The following C1S variants were observed in gnomAD, a reference collection of about 807,000 sequenced individuals.
The protein encoded by C1S is complement C1s, also known as complement C1s subcomponent.
C1S carries 31 observed loss-of-function variants against 54.0 expected under a neutral mutation model. The ratio of observed to expected loss-of-function variants is 0.57; its 90% CI spans 0.43 to 0.78. The LOEUF is 0.78. Ranked by LOEUF, C1S falls within the 30% of genes least tolerant of loss-of-function variation. C1S has a pLI of 0.00. For synonymous variants in C1S, 292 were observed against 303.6 expected (o/e 0.96, Z 0.40); for missense variants, 727 against 851.8 (o/e 0.85, Z 1.82).
At chr12:7,064,047 C>CACACACACACACACACA (rs782576639) in intron 4 of C1S, 27 of 602,924 alleles carry the variant, frequency 4.5e-5, no homozygotes, top group East Asian at 2.2e-4. Context: ...CACACACACA[C>CACACACACACACACACA]CCCCGAGCTT....
chr12:7,066,155 G>A (rs1259749147), intron 7 of C1S, 185 bp downstream of exon 7: 5 of 652,006 alleles, frequency 7.7e-6, no homozygotes, highest in African/African-American at 1.8e-5. Context: ...GGGCAACAGA[G>A]CAAAACCTTG....
At position 7,070,431 on chromosome 12, in the gene C1S, T is replaced by C; in HGVS notation, c.1847T>C (p.Met616Thr). 6.2e-7 allele frequency: 1 copy of C among 1,614,182 alleles called. No individual in the cohort carries two copies. Among genetic ancestry groups the C allele is most frequent in the African/African-American group, 1.3e-5 (1 of 75,046 alleles). Residue 616 changes from methionine to threonine, a missense_variant, in exon 12 of 12, where the codon ATG becomes ACG. This residue lies in a region of C1S where 360 missense variants were observed against 453.6 expected (regional missense o/e 0.79). Coordinates refer to ENST00000360817, the MANE Select transcript of C1S (RefSeq NM_001734.5). The surrounding 1 kb of genome is among the most constrained non-coding windows in gnomAD (Gnocchi z 4.9). ...GAGGCCTATGTTTTCACTCCTAACA[T>C]GATCTGTGCTGGAGGAGAGAAGGGC... ...DAEAYVFTPN[M>T]ICAGGEKGMD...
chr12:7,063,392 T>C (rs1947125677), intron 4 of C1S: 1 of 474,688 alleles, frequency 2.1e-6, no homozygotes, highest in African/African-American at 2.0e-5. Flanking sequence ...GTAGGTATTA[T>C]TTGCTCCATA....
In C1S at chr12:7,063,114, T is replaced by C. The variant is rs782551365; in HGVS notation, c.391+47T>C. ...GTGCCTTATTGACCCAGCTAAAAGA[T>C]TAGAAATGAGAAATCCACTGAGCAA... On this transcript the variant is annotated intron_variant, in intron 4 of 11. Coordinates refer to ENST00000360817, the MANE Select transcript of C1S (RefSeq NM_001734.5). 2.6e-6 allele frequency: 4 copies of C among 1,544,340 alleles called. No homozygotes were observed. In the African/African-American group the frequency reaches 5.4e-5, roughly 21 times the overall value.
chr12:7,060,977 A>C (rs782474666), intron 1 of C1S, 100 bp downstream of exon 1: 1 of 152,280 alleles, frequency 6.6e-6, no homozygotes, highest in Non-Finnish European at 1.5e-5. Context: ...GAGGGCTGAC[A>C]AAGGCAGCAT....
At position 7,064,390 on chromosome 12, in the gene C1S, G is replaced by T. The variant is rs781869027; in HGVS notation, c.515G>T (p.Gly172Val). ...CTCCATGATGACATGAAGAATTGCGGAGGTGAGCTTGGTGTTAAGAGGGTT... is the reference window on the plus strand; with the variant it reads ...CTCCATGATGACATGAAGAATTGCGTAGGTGAGCTTGGTGTTAAGAGGGTT... The part of the protein sequence containing the change: ...YFLHDDMKNC[G>V]VNCSGDVFTA... The change falls in exon 5 of 12, where the codon GGA becomes GTA. Residue 172 changes from glycine (G) to valine (V), a missense_variant and splice_region_variant. Physicochemically the swap from Gly to Val is moderately radical, Grantham distance 109. Around this residue, in one of 3 missense-constraint regions of C1S, gnomAD observed 357 missense variants for 365.4 expected, o/e 0.98. Coordinates refer to ENST00000360817, the MANE Select transcript of C1S (RefSeq NM_001734.5). The T allele has an allele frequency of 6.8e-6, 11 of 1,614,006 alleles. No individual in the cohort carries two copies. The South Asian group carries it at 1.2e-4, about 18-fold the overall frequency.
chr12:7,065,823 G>T lies in C1S; in HGVS notation c.724G>T (p.Ala242Ser), dbSNP rs1947166479. The part of the protein sequence containing the change: ...GNCLDSLVFV[A>S]GDRQFGPYCG... Reference sequence around the variant, plus strand: ...ATTTCATCATTTTGTTCAGTTTGTTGCAGGAGATCGGCAATTTGGTCCTTA... The same window carrying T: ...ATTTCATCATTTTGTTCAGTTTGTTTCAGGAGATCGGCAATTTGGTCCTTA... Residue 242 changes from alanine to serine, a missense_variant, in exon 7 of 12, where the codon GCA becomes TCA. Ala to Ser is a moderately conservative substitution (Grantham distance 99, BLOSUM62 1). Coordinates refer to ENST00000360817, the MANE Select transcript of C1S (RefSeq NM_001734.5). 2 of 1,612,172 alleles carry T rather than the reference G, an allele frequency of 1.2e-6. No individual in the cohort carries two copies. The highest frequency in any genetic ancestry group is 1.7e-6 in the Non-Finnish European group (2 of 1,179,732).
intron 5 of C1S, 21 bp from the exon 6 acceptor site, chr12:7,065,079 C>T (rs782417035): frequency 5.6e-6 from 9 of 1,594,914 alleles, no homozygotes; most frequent in African/African-American, 5.4e-5. Context: ...TTGATTCTCC[C>T]TTTCTCTTTT....
At chr12:7,068,699 C>A in intron 11 of C1S, 169 bp downstream of exon 11, 2 of 620,048 alleles carry the variant, frequency 3.2e-6, no homozygotes, top group Middle Eastern at 3.7e-4. Context: ...CCGTGGGGAA[C>A]CTCCTCAGCC....
In C1S at chr12:7,070,726, T is replaced by G; in HGVS notation, c.*75T>G. 4.2e-6 allele frequency: 5 copies of G among 1,177,984 alleles called. No homozygotes were observed. Among genetic ancestry groups the G allele is most frequent in the Non-Finnish European group, 6.3e-6 (5 of 787,854 alleles). The allele number at this position is 1,177,984 out of a possible 1,614,324, so 73.0% of individuals were successfully genotyped here. ...CTTCTGTTCCTTATGATATTCTCAT[T>G]ATTTCATCATGACTGAAAGAAGACA... On this transcript the variant is annotated 3_prime_UTR_variant, in exon 12 of 12. Coordinates refer to ENST00000360817, the MANE Select transcript of C1S (RefSeq NM_001734.5). This position sits in a 1 kb window ranked among gnomAD's most constrained non-coding sequence, Gnocchi z 4.9.
intron 10 of C1S, 127 bp downstream of exon 10, chr12:7,067,898 C>A: frequency 9.8e-7 from 1 of 1,023,822 alleles, no homozygotes; most frequent in Non-Finnish European, 1.5e-6. Flanking sequence ...TGTTCATCCC[C>A]TTGGCTTCGT....
At chr12:7,066,997 A>C in intron 8 of C1S, 42 bp from the exon 9 acceptor site, 1 of 1,455,234 alleles carries the variant, frequency 6.9e-7, no homozygotes. Context: ...GGTTTCCCAT[A>C]TCTCTCTTCA....
chr12:7,065,417 G>T, intron 6 of C1S, 118 bp downstream of exon 6: 1 of 774,696 alleles, frequency 1.3e-6, no homozygotes, highest in Non-Finnish European at 2.3e-6. Context: ...GTGCAGTGGT[G>T]CAATCACAGC....
At chr12:7,067,190 C>A in intron 9 of C1S, 73 bp downstream of exon 9, 1 of 1,063,496 alleles carries the variant, frequency 9.4e-7, no homozygotes, top group South Asian at 1.3e-5. Flanking sequence ...CATCAAAATT[C>A]AAATGCATGG....
chr12:7,064,088 T>C (rs1555161688), intron 4 of C1S, 179 bp from the exon 5 acceptor site: 4 of 735,692 alleles, frequency 5.4e-6, no homozygotes, highest in Non-Finnish European at 7.3e-6. Flanking sequence ...AGGGCTCAAC[T>C]CTGGAATCAT....
chr12:7,062,823 CCTT>C, intron 3 of C1S, 64 bp from the exon 4 acceptor site: 2 of 1,569,962 alleles, frequency 1.3e-6, no homozygotes, highest in Non-Finnish European at 1.7e-6. Flanking sequence ...TCTCTCTGTC[CCTT>C]CTTTTAACTC....
rs1316224510 is a variant in C1S at position 7,062,773 on chromosome 12, A to G, written c.213+91A>G. The G allele has an allele frequency of 1.0e-5, 15 of 1,466,198 alleles. No homozygotes were observed. Among genetic ancestry groups the G allele is most frequent in the Non-Finnish European group, 1.4e-5 (15 of 1,054,094 alleles). The allele number at this position is 1,466,198 out of a possible 1,614,324, so 90.8% of individuals were successfully genotyped here. ...GGGAGGGAGTGCCACCTGTACTCAC[A>G]GTGAACTGGAGTCAAGTCCTAGTGG... On this transcript the variant is annotated intron_variant, in intron 3 of 11. Transcript: ENST00000360817.
At chr12:7,068,899 G>A (rs989748141) in intron 11 of C1S, 2 of 269,544 alleles carry the variant, frequency 7.4e-6, no homozygotes, top group South Asian at 1.1e-4. Context: ...AAAGTTTATA[G>A]GGCAGCAAGA....
chr12:7,067,587 T>C, intron 9 of C1S, 56 bp from the exon 10 acceptor site: 1 of 1,606,606 alleles, frequency 6.2e-7, no homozygotes, highest in African/African-American at 1.3e-5. Context: ...GCCCCATGAC[T>C]CTTCCTTGGA....
Sources: allele counts gnomAD v4.1 joint callset, GRCh38; gene constraint gnomAD v4.1.1; regional missense constraint gnomAD v4.1.1; non-coding constraint Gnocchi (gnomAD v3.1); transcripts MANE v1.5; gene names NCBI Gene and HGNC (gene_info 2026-07-23, HGNC 2026-07-21).